The following ARHGAP35 variants were observed in gnomAD, a reference collection of about 807,000 sequenced individuals.
The protein encoded by ARHGAP35 is rho GTPase-activating protein 35.
Under a neutral mutation model 111.1 loss-of-function variants are expected in ARHGAP35, and 15 were observed. The observed-to-expected ratio is 0.13, with a 90% CI of 0.09 to 0.21. ARHGAP35 has a LOEUF of 0.21. ARHGAP35 is among the 10% of genes least tolerant of loss of function. The pLI is 1.00. For synonymous variants in ARHGAP35, 643 were observed against 710.3 expected, an observed-to-expected ratio of 0.91 and a Z score of 1.51; for missense variants, 1,262 against 1,873.0, an observed-to-expected ratio of 0.67 and a Z score of 6.02.
At chr19:46,917,305 C>T (rs963294997) in intron 1 of ARHGAP35, among the ~76,000 whole-genome samples, 3 of 152,276 alleles carry the variant, frequency 2.0e-5, no homozygotes, top group African/African-American at 7.2e-5. Context: ...TCAGAATTTC[C>T]TTCCCTTTAA....
chr19:46,928,370 C>G (rs947043253), intron 2 of ARHGAP35, among the ~76,000 whole-genome samples: 1 of 152,204 alleles, frequency 6.6e-6, no homozygotes, highest in African/African-American at 2.4e-5. Flanking sequence ...TATTCCAGCT[C>G]TAGTCAGGAA....
chr19:46,868,733 G>T (rs538081999), intron 1 of ARHGAP35, among the ~76,000 whole-genome samples: 1 of 151,906 alleles, frequency 6.6e-6, no homozygotes, highest in East Asian at 1.9e-4. Flanking sequence ...TATTTGGGTA[G>T]CTACAAATGG....
intron 5 of ARHGAP35, among the ~76,000 whole-genome samples, chr19:46,991,604 T>C (rs1324879753): frequency 6.6e-6 from 1 of 152,194 alleles, no homozygotes; most frequent in Non-Finnish European, 1.5e-5. Flanking sequence ...CCGACGGTAC[T>C]CAGCGGGGGC....
chr19:46,864,193 A>T (rs996727526), intron 1 of ARHGAP35, among the ~76,000 whole-genome samples: 2 of 152,206 alleles, frequency 1.3e-5, no homozygotes, highest in African/African-American at 2.4e-5. Context: ...TAGTCTTATT[A>T]TCTGAGAAAT....
chr19:46,984,857 G>A (rs944530721), intron 3 of ARHGAP35, among the ~76,000 whole-genome samples: 1 of 152,166 alleles, frequency 6.6e-6, no homozygotes, highest in Non-Finnish European at 1.5e-5. Context: ...TGCCGGGGCC[G>A]GTGGCCATTA....
intron 1 of ARHGAP35, among the ~76,000 whole-genome samples, chr19:46,870,095 C>T (rs796817083): frequency 3.3e-5 from 5 of 151,530 alleles, no homozygotes; most frequent in African/African-American, 9.7e-5. Context: ...TACAGGCGCC[C>T]GCCACCATGC....
chr19:46,900,270 G>T (rs1599806857), intron 1 of ARHGAP35, among the ~76,000 whole-genome samples: 1 of 127,938 alleles, frequency 7.8e-6, no homozygotes, highest in Admixed American at 9.1e-5. Context: ...CACCCAAGTT[G>T]GAGTGCAGTG....
intron 1 of ARHGAP35, among the ~76,000 whole-genome samples, chr19:46,915,857 A>C (rs539348261): frequency 6.7e-6 from 1 of 149,062 alleles, no homozygotes; most frequent in East Asian, 2.0e-4. Flanking sequence ...TTAAAACTTT[A>C]GGTTCTTTAA....
At chr19:46,879,617 A>AATAAATAAATAAAT (rs899638161) in intron 1 of ARHGAP35, among the ~76,000 whole-genome samples, 22 of 141,412 alleles carry the variant, frequency 1.6e-4, no homozygotes, top group African/African-American at 3.1e-4. Flanking sequence ...TAAATAAATA[A>AATAAATAAATAAAT]AAATAAAAAT....
Position 46,922,228 on chromosome 19 carries a change from C to T in ARHGAP35, c.3553C>T (p.Pro1185Ser), listed in dbSNP as rs1266149432. 2.5e-6 allele frequency: 4 copies of T among 1,613,770 alleles called. No individual in the cohort carries two copies. The Admixed American group carries it at 5.0e-5, about 20-fold the overall frequency. ...CGTGGGGAGTGATGATGAGCTGGGG[C>T]CCATCCGGAAGAAAGAGGAGGATCA... ...FSVGSDDELG[P>S]IRKKEEDQAS... The change falls in exon 2 of 7, where the codon CCC (proline) becomes TCC (serine). Residue 1185 changes from proline to serine, a missense_variant. Transcript: ENST00000672722. This position sits in a 1 kb window ranked among gnomAD's most constrained non-coding sequence, Gnocchi z 4.0.
chr19:46,937,088 C>T (rs1205363616), intron 2 of ARHGAP35, among the ~76,000 whole-genome samples, 176 bp from the exon 3 acceptor site: 1 of 152,150 alleles, frequency 6.6e-6, no homozygotes, highest in Non-Finnish European at 1.5e-5. Flanking sequence ...GATCCACCCG[C>T]CTCGGCCTCC....
intron 1 of ARHGAP35, among the ~76,000 whole-genome samples, chr19:46,885,749 T>G (rs1427197858): frequency 6.6e-6 from 1 of 152,148 alleles, no homozygotes; most frequent in Admixed American, 6.6e-5. Flanking sequence ...CCCCTCCACC[T>G]TTTTATTTTT....
chr19:46,973,445 C>G (rs1024510899), intron 3 of ARHGAP35, among the ~76,000 whole-genome samples: 1 of 152,204 alleles, frequency 6.6e-6, no homozygotes, highest in Admixed American at 6.5e-5. Context: ...AATCCCAGCA[C>G]TTTGGGAGGC....
At chr19:46,966,461 A>C (rs1319676383) in intron 3 of ARHGAP35, among the ~76,000 whole-genome samples, 1 of 152,180 alleles carries the variant, frequency 6.6e-6, no homozygotes, top group African/African-American at 2.4e-5. Context: ...AGGCAGGAGA[A>C]TCACTTGAGC....
At position 47,000,735 on chromosome 19, in the gene ARHGAP35, G is replaced by A. The variant is rs552277245; in HGVS notation, c.*47G>A. 1.3e-6 allele frequency: 2 copies of A among 1,527,034 alleles called. No individual in the cohort carries two copies. The highest frequency in any genetic ancestry group is 2.5e-5 in the South Asian group (2 of 79,214). The allele number at this position is 1,527,034 out of a possible 1,614,324, so 94.6% of individuals were successfully genotyped here. A position where few individuals can be genotyped will look rare whatever the true frequency, so the allele number is the denominator to read the frequency against. Reference sequence around the variant, plus strand: ...AGGAGAACCGGTCCTCTCTCTGACGGGGTGGCATTTGGCCTTGAACAAAAC... The same window carrying A: ...AGGAGAACCGGTCCTCTCTCTGACGAGGTGGCATTTGGCCTTGAACAAAAC... On this transcript the variant is annotated 3_prime_UTR_variant, in exon 7 of 7. Coordinates refer to ENST00000672722, the MANE Select transcript of ARHGAP35 (RefSeq NM_004491.5). This position sits in a 1 kb window ranked among gnomAD's most constrained non-coding sequence, Gnocchi z 6.9.
In ARHGAP35 at chr19:46,988,043, G is replaced by A; in HGVS notation, c.3881G>A (p.Ser1294Asn). The A allele has an allele frequency of 6.2e-7, 1 of 1,613,936 alleles. No homozygotes were observed. Among genetic ancestry groups the A allele is most frequent in the East Asian group, 2.2e-5 (1 of 44,882 alleles). The change falls in exon 4 of 7, where the codon AGT (serine) becomes AAT (asparagine). Residue 1294 changes from serine (S) to asparagine (N), a missense_variant. Ser to Asn is a conservative substitution (Grantham distance 46). Around this residue, in one of 8 missense-constraint regions of ARHGAP35, gnomAD observed 45 missense variants for 118.2 expected, o/e 0.38. Transcript: ENST00000672722. The surrounding 1 kb of genome is among the most constrained non-coding windows in gnomAD (Gnocchi z 5.4). ...RVSGNKSEME[S>N]LQRQFDQDHN... ...AGCGGGAACAAGTCTGAGATGGAGA[G>A]TCTGCAGAGACAGTTTGATCAAGGT...
At chr19:46,883,915 C>G (rs1274564765) in intron 1 of ARHGAP35, among the ~76,000 whole-genome samples, 1 of 151,970 alleles carries the variant, frequency 6.6e-6, no homozygotes, top group African/African-American at 2.4e-5. Flanking sequence ...ATTAGCCAGG[C>G]ATGGTGGCGC....
intron 1 of ARHGAP35, among the ~76,000 whole-genome samples, chr19:46,888,034 C>T (rs1338212659): frequency 6.7e-6 from 1 of 150,100 alleles, no homozygotes; most frequent in Non-Finnish European, 1.5e-5. Context: ...TTACTGCAAG[C>T]TCCGCCTCCT....
intron 2 of ARHGAP35, among the ~76,000 whole-genome samples, chr19:46,931,556 G>A (rs1044527521): frequency 6.6e-6 from 1 of 152,118 alleles, no homozygotes; most frequent in Non-Finnish European, 1.5e-5. Flanking sequence ...AGTGCACCAC[G>A]GGCATAAACT....
Sources: gnomAD v4.1 joint callset for allele counts (sites outside exome capture counted in the v4.1 genomes callset) on GRCh38, gnomAD v4.1.1 for gene constraint, gnomAD v4.1.1 regional missense constraint, Gnocchi (gnomAD v3.1) non-coding constraint, MANE v1.5 for transcripts, NCBI Gene and HGNC (gene_info 2026-07-23, HGNC 2026-07-21) for gene names.